The following TMEM117 variants were observed in gnomAD, a reference collection of about 807,000 sequenced individuals.
The protein encoded by TMEM117 is transmembrane protein 117.
A neutral mutation model predicts 52.4 loss-of-function variants in TMEM117; 27 were observed. That is an observed-to-expected ratio of 0.51 (90% CI 0.38 to 0.71). TMEM117 has a LOEUF of 0.71. Among genes scored for constraint, TMEM117 ranks in the 30% least tolerant of loss-of-function variants. The pLI is 0.00. For synonymous variants in TMEM117, 215 were observed against 206.3 expected (o/e 1.04, Z -0.36); for missense variants, 556 against 630.5 (o/e 0.88, Z 1.26).
upstream of TMEM117, among the ~76,000 whole-genome samples, chr12:43,831,435 T>C (rs770800234): frequency 6.6e-6 from 1 of 152,098 alleles, no homozygotes; most frequent in Non-Finnish European, 1.5e-5. Context: ...ACATTGAGCA[T>C]TGATCTTGTC....
intron 2 of TMEM117, among the ~76,000 whole-genome samples, chr12:43,880,552 T>C (rs1943878508): frequency 6.6e-6 from 1 of 152,166 alleles, no homozygotes; most frequent in South Asian, 2.1e-4. Context: ...ATACTGTTGT[T>C]CTTAATGTAA....
chr12:44,352,283 GT>G (rs944256229), intron 6 of TMEM117, among the ~76,000 whole-genome samples: 9 of 151,564 alleles, frequency 5.9e-5, no homozygotes, highest in Middle Eastern at 3.4e-3. Context: ...GTTTTGTTTT[GT>G]TTTTTTGTTT....
intron 4 of TMEM117, among the ~76,000 whole-genome samples, chr12:44,147,527 A>G (rs1306705759): frequency 6.6e-6 from 1 of 152,138 alleles, no homozygotes; most frequent in Non-Finnish European, 1.5e-5. Flanking sequence ...AGTTGCTTCC[A>G]TCTTACAGAA....
intron 6 of TMEM117, among the ~76,000 whole-genome samples, chr12:44,352,795 C>A (rs1304742751): frequency 1.3e-5 from 2 of 151,954 alleles, no homozygotes; most frequent in Non-Finnish European, 2.9e-5. Flanking sequence ...ATTTATAATC[C>A]TTTGGGTATA....
At chr12:44,119,094 A>T (rs17094121) in intron 3 of TMEM117, among the ~76,000 whole-genome samples, 15,683 of 152,228 alleles carry the variant, frequency 0.1, 906 homozygotes, top group Middle Eastern at 0.2. Flanking sequence ...ATTTTTACTT[A>T]TGCTCCACTT....
intron 2 of TMEM117, among the ~76,000 whole-genome samples, chr12:43,857,018 T>C (rs1943412533): frequency 6.6e-6 from 1 of 152,174 alleles, no homozygotes; most frequent in Non-Finnish European, 1.5e-5. Flanking sequence ...ATGTTCTCTC[T>C]CCTAGAGCAG....
intron 5 of TMEM117, among the ~76,000 whole-genome samples, chr12:44,242,180 G>A (rs1565628364): frequency 6.6e-6 from 1 of 150,802 alleles, no homozygotes; most frequent in Non-Finnish European, 1.5e-5. Flanking sequence ...GTGCAGGTTT[G>A]TTATATAGGT....
Position 43,844,565 on chromosome 12 carries a change from A to G in TMEM117, c.-28-59A>G, listed in dbSNP as rs1212809858. On this transcript the variant is annotated intron_variant, in intron 1 of 7. Coordinates refer to ENST00000266534, the MANE Select transcript of TMEM117 (RefSeq NM_032256.3). ...AACTGTTATAAACCTGAACTGATAA[A>G]AAGAAGAAAGCCATTACTTGTTTTC... 5 of 1,435,624 alleles carry G rather than the reference A, an allele frequency of 3.5e-6. No individual in the cohort carries two copies. The African/African-American group carries it at 7.2e-5, about 21-fold the overall frequency. 88.9% of individuals were successfully genotyped at this position (1,435,624 alleles called of 1,614,324 possible).
chr12:43,964,781 C>T (rs970319436), intron 3 of TMEM117, among the ~76,000 whole-genome samples: 26 of 152,266 alleles, frequency 1.7e-4, no homozygotes, highest in East Asian at 9.6e-4. Context: ...CATTCTGATA[C>T]GGTCACTACA....
At chr12:43,878,111 A>T (rs1280514740) in intron 2 of TMEM117, among the ~76,000 whole-genome samples, 2 of 152,144 alleles carry the variant, frequency 1.3e-5, no homozygotes, top group Non-Finnish European at 2.9e-5. Flanking sequence ...GAAGACAAAG[A>T]AAAAATCAGG....
the TMEM117 span, among the ~76,000 whole-genome samples, chr12:44,396,494 T>G: frequency 0.049 from 7,391 of 152,126 alleles, 278 homozygotes; most frequent in African/African-American, 0.1. Flanking sequence ...TAATTAGCTT[T>G]ATAGTTTCTG....
intron 5 of TMEM117, among the ~76,000 whole-genome samples, chr12:44,245,713 G>A (rs2138495541): frequency 6.6e-6 from 1 of 151,842 alleles, no homozygotes; most frequent in South Asian, 2.1e-4. Context: ...TAAGGAAAAA[G>A]CTTAGGGAGC....
At chr12:44,079,841 C>T (rs147588197) in intron 3 of TMEM117, among the ~76,000 whole-genome samples, 171 of 151,630 alleles carry the variant, frequency 1.1e-3, no homozygotes, top group Admixed American at 3.8e-3. Context: ...CGTGGTGAAA[C>T]CTCATCTCTA....
At chr12:44,075,268 C>A (rs1179206029) in intron 3 of TMEM117, among the ~76,000 whole-genome samples, 4 of 152,184 alleles carry the variant, frequency 2.6e-5, no homozygotes, top group African/African-American at 9.7e-5. Flanking sequence ...AATCTAGGAG[C>A]TGGAATCAGC....
chr12:44,297,260 T>C (rs545457968), intron 5 of TMEM117, among the ~76,000 whole-genome samples: 1 of 152,350 alleles, frequency 6.6e-6, no homozygotes, highest in South Asian at 2.1e-4. Flanking sequence ...TTTTTAGACC[T>C]ATGAAGTAAT....
At chr12:44,032,920 T>C (rs9919676) in intron 3 of TMEM117, among the ~76,000 whole-genome samples, 24,338 of 152,084 alleles carry the variant, frequency 0.16, 2,936 homozygotes, top group African/African-American at 0.34. Context: ...ATGTCAGAGG[T>C]GTGTGAACTG....
At chr12:44,083,353 C>A (rs577220183) in intron 3 of TMEM117, among the ~76,000 whole-genome samples, 1 of 149,600 alleles carries the variant, frequency 6.7e-6, no homozygotes, top group Admixed American at 6.7e-5. Flanking sequence ...TACCCTTGAT[C>A]CATATCCTCA....
the TMEM117 span, among the ~76,000 whole-genome samples, chr12:43,824,965 C>G: frequency 6.6e-6 from 1 of 152,084 alleles, no homozygotes; most frequent in Non-Finnish European, 1.5e-5. Flanking sequence ...AAAAGAAAAC[C>G]CTGTGGTAGG....
At chr12:44,038,211 AG>A (rs1358613930) in intron 3 of TMEM117, among the ~76,000 whole-genome samples, 2 of 152,150 alleles carry the variant, frequency 1.3e-5, no homozygotes, top group East Asian at 3.9e-4. Flanking sequence ...GGTGACAAGA[AG>A]GAGAGAAGAG....
Sources: allele counts gnomAD v4.1 joint callset (sites outside exome capture counted in the v4.1 genomes callset), GRCh38; gene constraint gnomAD v4.1.1; transcripts MANE v1.5; gene names NCBI Gene and HGNC (gene_info 2026-07-23, HGNC 2026-07-21).